RRAGD: variants seen among roughly 807,000 people sequenced by gnomAD.
RRAGD encodes Ras related GTP binding D, also known as ras-related GTP-binding protein D.
RRAGD carries 12 observed loss-of-function variants against 35.5 expected under a neutral mutation model. The ratio of observed to expected loss-of-function variants is 0.34; its 90% CI spans 0.22 to 0.55. The LOEUF is 0.55. RRAGD is among the 20% of genes least tolerant of loss of function. The pLI, the probability that RRAGD is intolerant of heterozygous loss-of-function variation, is 0.91. For synonymous variants in RRAGD, 155 were observed against 178.9 expected (o/e 0.87, Z 1.07); for missense variants, 324 against 490.1 (o/e 0.66, Z 3.20).
chr6:89,394,198 T>TAA (rs998289442), intron 1 of RRAGD, among the ~76,000 whole-genome samples: 24 of 146,610 alleles, frequency 1.6e-4, no homozygotes, highest in African/African-American at 6.1e-4. Context: ...ACTCACAAAA[T>TAA]AAAATGGAGA....
At chr6:89,387,170 C>A (rs1769150756) in intron 2 of RRAGD, 125 bp downstream of exon 2, 7 of 966,764 alleles carry the variant, frequency 7.2e-6, no homozygotes, top group African/African-American at 3.3e-5. Flanking sequence ...AGTCTGAGAG[C>A]CCTGACCAAG....
chr6:89,382,628 C>T, intron 2 of RRAGD, among the ~76,000 whole-genome samples: 1 of 151,902 alleles, frequency 6.6e-6, no homozygotes, highest in East Asian at 1.9e-4. Context: ...GTAATCCCAG[C>T]CCTTTGGGAG....
chr6:89,409,349 G>A (rs757404349), intron 1 of RRAGD, among the ~76,000 whole-genome samples: 2 of 152,106 alleles, frequency 1.3e-5, no homozygotes, highest in Non-Finnish European at 2.9e-5. Flanking sequence ...TGAACTTAGT[G>A]GAAAAAGTCC....
intron 2 of RRAGD, among the ~76,000 whole-genome samples, chr6:89,384,684 G>A (rs796509862): frequency 1.6e-4 from 24 of 151,852 alleles, no homozygotes; most frequent in African/African-American, 3.6e-4. Flanking sequence ...GTGTGGTGGC[G>A]GGCGCCTGCA....
At position 89,365,396 on chromosome 6, in the gene RRAGD, G is replaced by C. The variant is rs1344649238; in HGVS notation, c.*2660C>G. On this transcript the variant is annotated 3_prime_UTR_variant, in exon 7 of 7. Coordinates refer to ENST00000369415, the MANE Select transcript of RRAGD (RefSeq NM_021244.5). ...GTTCCAGTGCAGTTGCTGTAGCCAT[G>C]TATTTAGGATTTGTATTTATAGAAT... The C allele has an allele frequency of 1.3e-5, 2 of 152,180 alleles. No homozygotes were observed. Among genetic ancestry groups the C allele is most frequent in the Non-Finnish European group, 2.9e-5 (2 of 68,042 alleles). The allele number at this position is 152,180 out of a possible 1,614,324, so 9.4% of individuals were successfully genotyped here.
rs558201489 is a variant in RRAGD, at chr6:89,409,956, G to T, written c.148+1890C>A. Among the ~76,000 whole-genome samples the T allele has an allele frequency of 2.0e-5, 3 of 152,270 alleles. No homozygotes were observed. The East Asian group carries it at 5.8e-4, about 29-fold the overall frequency. On this transcript the variant is annotated intron_variant, in intron 1 of 6. Transcript: ENST00000369415. ...TCCTTTTATAGCAAGATCCCAAGCTGATCCCAAAAGCCCATTCAGAAGGAT... is the reference window on the plus strand; with the variant it reads ...TCCTTTTATAGCAAGATCCCAAGCTTATCCCAAAAGCCCATTCAGAAGGAT...
intron 1 of RRAGD, among the ~76,000 whole-genome samples, chr6:89,401,261 TA>T (rs140566801): frequency 0.035 from 5,023 of 144,394 alleles, 312 homozygotes; most frequent in East Asian, 0.31. Context: ...CCCCACAATA[TA>T]TTTTTTTTTT....
At chr6:89,388,469 G>T (rs1199178046) in intron 1 of RRAGD, among the ~76,000 whole-genome samples, 1 of 152,050 alleles carries the variant, frequency 6.6e-6, no homozygotes, top group Non-Finnish European at 1.5e-5. Context: ...GCCAAAAATG[G>T]CTAAAACTGT....
At chr6:89,378,529 A>T (rs957239986) in intron 4 of RRAGD, among the ~76,000 whole-genome samples, 3 of 152,242 alleles carry the variant, frequency 2.0e-5, no homozygotes, top group Non-Finnish European at 4.4e-5. Context: ...GTCTGCCTCA[A>T]TTCAACTCAG....
intron 1 of RRAGD, among the ~76,000 whole-genome samples, chr6:89,404,217 C>CGATAG (rs1302886882): frequency 6.6e-6 from 1 of 152,104 alleles, no homozygotes; most frequent in African/African-American, 2.4e-5. Context: ...TACAAACACA[C>CGATAG]GATTTTGCAG....
intron 5 of RRAGD, among the ~76,000 whole-genome samples, 178 bp from the exon 6 acceptor site, chr6:89,372,763 C>T (rs1486473187): frequency 6.6e-6 from 1 of 152,230 alleles, no homozygotes; most frequent in Admixed American, 6.5e-5. Flanking sequence ...ACACAGTCCT[C>T]AACAGTCATT....
intron 1 of RRAGD, among the ~76,000 whole-genome samples, chr6:89,406,199 G>T (rs754607): frequency 0.027 from 4,084 of 152,192 alleles, 181 homozygotes; most frequent in African/African-American, 0.093. Flanking sequence ...TAAGGGGAGT[G>T]CTGGGAAGGG....
At chr6:89,374,388 T>G (rs1039038360) in intron 5 of RRAGD, among the ~76,000 whole-genome samples, 3 of 152,194 alleles carry the variant, frequency 2.0e-5, no homozygotes, top group African/African-American at 4.8e-5. Context: ...TTAGGAAATG[T>G]AGGTTTTTAG....
At chr6:89,373,643 T>C (rs1768889513) in intron 5 of RRAGD, among the ~76,000 whole-genome samples, 1 of 150,850 alleles carries the variant, frequency 6.6e-6, no homozygotes, top group African/African-American at 2.4e-5. Context: ...AAAAGATATA[T>C]AGGTCTATTT....
chr6:89,397,092 CAAG>C (rs1253842337), intron 1 of RRAGD, among the ~76,000 whole-genome samples: 1 of 151,950 alleles, frequency 6.6e-6, no homozygotes, highest in Non-Finnish European at 1.5e-5. Flanking sequence ...ACAACTTGCC[CAAG>C]AAGATTTATG....
chr6:89,393,194 T>C (rs1454054457), intron 1 of RRAGD, among the ~76,000 whole-genome samples: 2 of 152,192 alleles, frequency 1.3e-5, no homozygotes, highest in African/African-American at 4.8e-5. Context: ...ACATGGATAG[T>C]TAAGTTTGAA....
At chr6:89,385,623 C>G (rs76674357) in intron 2 of RRAGD, among the ~76,000 whole-genome samples, 1 of 152,208 alleles carries the variant, frequency 6.6e-6, no homozygotes, top group African/African-American at 2.4e-5. Context: ...CAGCTGCTGA[C>G]AGCAGGCCCT....
rs1387876855 is a variant in RRAGD at position 89,364,664 on chromosome 6, T to C, written c.*3392A>G. On this transcript the variant is annotated 3_prime_UTR_variant, in exon 7 of 7. Transcript: ENST00000369415. ...ATTTAAGTAGTGAGATTTATCATCA[T>C]TTCCATAAAATGAGAGCTGGTTAAT... 1 of 152,226 alleles carries C rather than the reference T, an allele frequency of 6.6e-6. No homozygotes were observed. Among genetic ancestry groups the C allele is most frequent in the Non-Finnish European group, 1.5e-5 (1 of 68,038 alleles). 9.4% of individuals were successfully genotyped at this position (152,226 alleles called of 1,614,324 possible). A position where few individuals can be genotyped will look rare whatever the true frequency, so the allele number is the denominator to read the frequency against.
chr6:89,380,539 CAA>C (rs71715911), intron 2 of RRAGD, among the ~76,000 whole-genome samples, 172 bp from the exon 3 acceptor site: 6,168 of 152,132 alleles, frequency 0.041, 372 homozygotes, highest in East Asian at 0.27. Context: ...GTTCTGTTAA[CAA>C]AGAGAGGAAG....
Sources: gnomAD v4.1 joint callset for allele counts (sites outside exome capture counted in the v4.1 genomes callset) on GRCh38, gnomAD v4.1.1 for gene constraint, MANE v1.5 for transcripts, NCBI Gene and HGNC (gene_info 2026-07-23, HGNC 2026-07-21) for gene names.